XXYLT1: variants seen among roughly 807,000 people sequenced by gnomAD.
XXYLT1 encodes the protein UDP-xylose:alpha-xyloside alpha-1,3-xylosyltransferase.
In XXYLT1, 20 loss-of-function variants were observed where a neutral mutation model predicts 28.9. The ratio of observed to expected loss-of-function variants is 0.69; its 90% CI spans 0.49 to 1.00. The LOEUF (loss-of-function observed/expected upper bound fraction) is 1.00, where lower values mean the gene tolerates loss of function less well. Ranked by LOEUF, XXYLT1 falls within the 50% of genes least tolerant of loss-of-function variation. The probability of loss-of-function intolerance (pLI) is 0.00; values close to 1 mark genes in which losing one functional copy is unlikely to be tolerated. For missense variants in XXYLT1, 542 were observed against 560.1 expected (o/e 0.97, Z 0.33); for synonymous variants, 257 against 253.8 (o/e 1.01, Z -0.12).
intron 1 of XXYLT1, among the ~76,000 whole-genome samples, chr3:195,252,723 CACACAGAGAG>C (rs1435024140): frequency 7.7e-6 from 1 of 129,314 alleles, no homozygotes; most frequent in African/African-American, 3.3e-5. Context: ...CACACACACA[CACACAGAGAG>C]AGAGAGAGAG....
chr3:195,237,712 T>C (rs1161003060), intron 1 of XXYLT1, among the ~76,000 whole-genome samples: 1 of 152,154 alleles, frequency 6.6e-6, no homozygotes, highest in Non-Finnish European at 1.5e-5. Flanking sequence ...TGTAACACTT[T>C]AAATCTTCTG....
chr3:195,182,273 AG>A (rs1452818302), intron 2 of XXYLT1, among the ~76,000 whole-genome samples: 1 of 152,222 alleles, frequency 6.6e-6, no homozygotes, highest in Non-Finnish European at 1.5e-5. Context: ...TAAAGCACTT[AG>A]AATAGTGACT....
chr3:195,267,906 G>A (rs916119103), intron 1 of XXYLT1, among the ~76,000 whole-genome samples: 1 of 152,140 alleles, frequency 6.6e-6, no homozygotes, highest in African/African-American at 2.4e-5. Context: ...CAAGTAAAAT[G>A]AAGCAAACCT....
intron 3 of XXYLT1, among the ~76,000 whole-genome samples, chr3:195,087,059 C>T (rs1715772522): frequency 6.6e-6 from 1 of 152,174 alleles, no homozygotes; most frequent in Non-Finnish European, 1.5e-5. Flanking sequence ...TGCCTCGGTG[C>T]AGCTTCTCTA....
chr3:195,081,913 C>T (rs554714998), intron 3 of XXYLT1, among the ~76,000 whole-genome samples: 131 of 152,286 alleles, frequency 8.6e-4, no homozygotes, highest in African/African-American at 3.0e-3. Context: ...GTTCCTAAAC[C>T]TATTAAATGG....
At chr3:195,186,560 C>T (rs1466956461) in intron 2 of XXYLT1, among the ~76,000 whole-genome samples, 1 of 152,072 alleles carries the variant, frequency 6.6e-6, no homozygotes. Flanking sequence ...TGGCTAAGTC[C>T]CACCCACTTG....
chr3:195,153,048 G>A (rs557296321), intron 3 of XXYLT1, among the ~76,000 whole-genome samples: 4 of 152,306 alleles, frequency 2.6e-5, no homozygotes, highest in African/African-American at 7.2e-5. Flanking sequence ...GCAGTCTGAC[G>A]GCCGCAGCAA....
chr3:195,226,675 C>A, intron 2 of XXYLT1, 34 bp downstream of exon 2: 1 of 1,604,912 alleles, frequency 6.2e-7, no homozygotes, highest in Non-Finnish European at 8.5e-7. Context: ...AAGTCAGACA[C>A]CCAGGGGCTA....
intron 1 of XXYLT1, among the ~76,000 whole-genome samples, chr3:195,242,516 G>A (rs1167574676): frequency 1.3e-5 from 2 of 152,072 alleles, no homozygotes; most frequent in Non-Finnish European, 2.9e-5. Flanking sequence ...TTTAAGGAGC[G>A]AAAAGTTTAA....
rs957855317 is a variant in XXYLT1 at position 195,175,297 on chromosome 3, G to A, written c.653-18716C>T. ...GCTCTTCTACAGTCAGGAGGGCCAC[G>A]CAGCGTGCACTGGCTGAGCACCAGC... On this transcript the variant is annotated intron_variant, in intron 2 of 3. Coordinates refer to ENST00000310380, the MANE Select transcript of XXYLT1 (RefSeq NM_152531.5). Among the ~76,000 whole-genome samples, 4 of 152,224 alleles carry A rather than the reference G, an allele frequency of 2.6e-5. No individual in the cohort carries two copies. The South Asian group carries it at 6.2e-4, about 24-fold the overall frequency.
At chr3:195,121,913 A>G in intron 3 of XXYLT1, 1 of 635,656 alleles carries the variant, frequency 1.6e-6, no homozygotes, top group Admixed American at 2.4e-5. Context: ...TCCAAGAGAA[A>G]GCCCAGCCTG....
At chr3:195,171,779 G>T (rs1463942999) in intron 2 of XXYLT1, among the ~76,000 whole-genome samples, 1 of 152,198 alleles carries the variant, frequency 6.6e-6, no homozygotes, top group Non-Finnish European at 1.5e-5. Flanking sequence ...TTTGCTTTCT[G>T]AATATTCTAG....
chr3:195,244,761 C>CAAA (rs869207427), intron 1 of XXYLT1, among the ~76,000 whole-genome samples: 48 of 26,524 alleles, frequency 1.8e-3, no homozygotes, highest in East Asian at 3.6e-3. Context: ...GACTCTGTCT[C>CAAA]AAAAAAAAAA....
At chr3:195,135,126 C>A (rs184419505) in intron 3 of XXYLT1, among the ~76,000 whole-genome samples, 2 of 152,266 alleles carry the variant, frequency 1.3e-5, no homozygotes, top group African/African-American at 4.8e-5. Flanking sequence ...ATGGGCTGCT[C>A]TGAAAGTGGC....
rs756989625 is a variant in XXYLT1 at position 195,210,638 on chromosome 3, T to C, written c.652+16071A>G. On this transcript the variant is annotated intron_variant, in intron 2 of 3. Coordinates refer to ENST00000310380, the MANE Select transcript of XXYLT1 (RefSeq NM_152531.5). The surrounding 1 kb of genome is among the most constrained non-coding windows in gnomAD (Gnocchi z 4.8). ...GAAAGAGCTTCTGGCATTAAATTAG[T>C]AGAAAATGGTCTCTACCACGTTACT... 1.3e-5 allele frequency among the ~76,000 whole-genome samples: 2 copies of C among 152,356 alleles called. No individual in the cohort carries two copies.
chr3:195,197,632 G>C (rs1354507308), intron 2 of XXYLT1, among the ~76,000 whole-genome samples: 1 of 152,076 alleles, frequency 6.6e-6, no homozygotes, highest in African/African-American at 2.4e-5. Context: ...GCAAAAAATT[G>C]AAACTATCTA....
At chr3:195,231,066 T>C (rs1208358735) in intron 1 of XXYLT1, among the ~76,000 whole-genome samples, 1 of 152,190 alleles carries the variant, frequency 6.6e-6, no homozygotes, top group Non-Finnish European at 1.5e-5. Context: ...CATCAGTGTT[T>C]TATTGTTTTC....
intron 3 of XXYLT1, among the ~76,000 whole-genome samples, chr3:195,081,189 C>T (rs1163025251): frequency 2.6e-5 from 4 of 151,350 alleles, no homozygotes; most frequent in African/African-American, 7.3e-5. Flanking sequence ...CCCCAGGGAT[C>T]GCTAACGCTG....
intron 2 of XXYLT1, among the ~76,000 whole-genome samples, chr3:195,169,068 T>TG (rs1721267472): frequency 6.6e-6 from 1 of 152,164 alleles, no homozygotes; most frequent in Non-Finnish European, 1.5e-5. Flanking sequence ...GGTCTGATTG[T>TG]GGGGGTCTTT....
Sources: allele counts gnomAD v4.1 joint callset (sites outside exome capture counted in the v4.1 genomes callset), GRCh38; gene constraint gnomAD v4.1.1; non-coding constraint Gnocchi (gnomAD v3.1); transcripts MANE v1.5; gene names NCBI Gene and HGNC (gene_info 2026-07-23, HGNC 2026-07-21).